The following MAF variants were observed in gnomAD, a reference collection of about 807,000 sequenced individuals.
MAF encodes MAF bZIP transcription factor.
Under a neutral mutation model 22.0 loss-of-function variants are expected in MAF, and 10 were observed. The ratio of observed to expected loss-of-function variants is 0.45; its 90% confidence interval spans 0.28 to 0.77. The LOEUF is 0.77. Among genes scored for constraint, MAF ranks in the 30% least tolerant of loss-of-function variants. MAF has a pLI of 0.12. For synonymous variants in MAF, 337 were observed against 255.8 expected (o/e 1.32, Z -3.03); for missense variants, 544 against 548.4 (o/e 0.99, Z 0.08).
At chr16:79,568,697 A>T in the MAF span, among the ~76,000 whole-genome samples, 1 of 152,188 alleles carries the variant, frequency 6.6e-6, no homozygotes, top group South Asian at 2.1e-4. Flanking sequence ...TGCCACCTGA[A>T]AACTAGAAAT....
At chr16:79,252,110 ACT>A in the MAF span, among the ~76,000 whole-genome samples, 1 of 152,188 alleles carries the variant, frequency 6.6e-6, no homozygotes, top group African/African-American at 2.4e-5. Context: ...CAATGTGATA[ACT>A]CTGGTTCTGT....
the MAF span, among the ~76,000 whole-genome samples, chr16:79,548,099 A>C: frequency 6.6e-6 from 1 of 152,084 alleles, no homozygotes; most frequent in African/African-American, 2.4e-5. Flanking sequence ...TTTAGATTTG[A>C]TTTATCTGTC....
At chr16:79,216,118 T>G in the MAF span, among the ~76,000 whole-genome samples, 259 of 151,914 alleles carry the variant, frequency 1.7e-3, 3 homozygotes, top group African/African-American at 6.0e-3. Flanking sequence ...ATTTGTCATA[T>G]GTGCACATCT....
the MAF span, among the ~76,000 whole-genome samples, chr16:79,376,514 T>G: frequency 2.6e-5 from 4 of 151,962 alleles, no homozygotes; most frequent in African/African-American, 9.7e-5. Flanking sequence ...ATACATTATT[T>G]TATTTTATTT....
chr16:79,570,617 G>A, the MAF span, among the ~76,000 whole-genome samples: 1 of 152,180 alleles, frequency 6.6e-6, no homozygotes, highest in South Asian at 2.1e-4. Flanking sequence ...GTGCCGCTAG[G>A]TGTTTAACAA....
the MAF span, among the ~76,000 whole-genome samples, chr16:79,247,742 T>C: frequency 3.9e-5 from 6 of 152,194 alleles, no homozygotes; most frequent in African/African-American, 1.2e-4. Context: ...GTGGTTTTTT[T>C]TGGACATGCT....
At chr16:79,278,189 G>C in the MAF span, among the ~76,000 whole-genome samples, 2 of 152,322 alleles carry the variant, frequency 1.3e-5, no homozygotes, top group South Asian at 4.1e-4. Flanking sequence ...ACAGTCTCGG[G>C]AAATGGGAGA....
chr16:79,423,989 A>C, the MAF span, among the ~76,000 whole-genome samples: 4 of 152,216 alleles, frequency 2.6e-5, no homozygotes, highest in Non-Finnish European at 5.9e-5. Flanking sequence ...GCCTGCTACA[A>C]CACAATAATA....
the MAF span, among the ~76,000 whole-genome samples, chr16:79,525,115 C>T: frequency 2.0e-5 from 3 of 152,290 alleles, no homozygotes; most frequent in East Asian, 3.9e-4. Flanking sequence ...TACGATTTAA[C>T]GCTTTTTTTT....
chr16:79,531,203 AGTCCAG>A, the MAF span, among the ~76,000 whole-genome samples: 5 of 152,304 alleles, frequency 3.3e-5, no homozygotes, highest in South Asian at 6.2e-4. Flanking sequence ...AAAGGGGTAA[AGTCCAG>A]GTCTTCCTAA....
the MAF span, among the ~76,000 whole-genome samples, chr16:79,571,651 A>G: frequency 1.3e-5 from 2 of 150,674 alleles, no homozygotes; most frequent in South Asian, 4.2e-4. Context: ...GGCCAAACGT[A>G]GTGGGTTCAA....
the MAF span, among the ~76,000 whole-genome samples, chr16:79,341,315 C>A: frequency 7.2e-4 from 109 of 152,282 alleles, no homozygotes; most frequent in African/African-American, 2.6e-3. Context: ...TCTTGTATAG[C>A]GCTATGGTGA....
chr16:79,398,452 G>T, the MAF span, among the ~76,000 whole-genome samples: 1 of 152,088 alleles, frequency 6.6e-6, no homozygotes, highest in Non-Finnish European at 1.5e-5. Flanking sequence ...TTAGGATGTG[G>T]GGCAGGGATG....
At chr16:79,509,903 C>T in the MAF span, among the ~76,000 whole-genome samples, 1 of 152,272 alleles carries the variant, frequency 6.6e-6, no homozygotes, top group South Asian at 2.1e-4. Flanking sequence ...CATGGAGCAA[C>T]TGGGTTGAAA....
chr16:79,522,111 G>T, the MAF span, among the ~76,000 whole-genome samples: 2 of 152,096 alleles, frequency 1.3e-5, no homozygotes, highest in East Asian at 3.9e-4. Flanking sequence ...TCCTGGGGTG[G>T]ACAGAGAAAC....
chr16:79,373,139 C>G, the MAF span, among the ~76,000 whole-genome samples: 1 of 152,060 alleles, frequency 6.6e-6, no homozygotes, highest in Non-Finnish European at 1.5e-5. Flanking sequence ...GTTTACATCT[C>G]TTTTCCCTCA....
At chr16:79,498,216 T>A in the MAF span, among the ~76,000 whole-genome samples, 3 of 152,260 alleles carry the variant, frequency 2.0e-5, no homozygotes, top group South Asian at 6.2e-4. Flanking sequence ...ACAACTTAGA[T>A]CAAGAGGCAG....
chr16:79,582,700 A>C (rs986659460), downstream of MAF, among the ~76,000 whole-genome samples: 1 of 152,274 alleles, frequency 6.6e-6, no homozygotes, highest in Non-Finnish European at 1.5e-5. Context: ...AAAATGCTTT[A>C]AATGAAATTG....
the MAF span, chr16:79,204,711 C>T: frequency 1.3e-5 from 2 of 152,232 alleles, no homozygotes; most frequent in African/African-American, 2.4e-5. Context: ...AAGTTAACAT[C>T]CTCCCATGCC....
Sources: allele counts gnomAD v4.1 joint callset (sites outside exome capture counted in the v4.1 genomes callset), GRCh38; gene constraint gnomAD v4.1.1; transcripts MANE v1.5; gene names NCBI Gene and HGNC (gene_info 2026-07-23, HGNC 2026-07-21).